Variants in RANGAP1 observed in about 807,000 individuals in gnomAD.
RANGAP1 encodes the protein Ran GTPase activating protein 1.
In RANGAP1, 38 loss-of-function variants were observed where a neutral mutation model predicts 63.5. The observed-to-expected ratio is 0.60, with a 90% CI of 0.46 to 0.78. The LOEUF (loss-of-function observed/expected upper bound fraction) is 0.78. Ranked by LOEUF, RANGAP1 falls within the 30% of genes least tolerant of loss-of-function variation. The pLI is 0.00. For missense variants in RANGAP1, 630 were observed against 740.3 expected, an observed-to-expected ratio of 0.85 and a Z score of 1.73; for synonymous variants, 329 against 310.5, an observed-to-expected ratio of 1.06 and a Z score of -0.63.
At chr22:41,258,179 C>T in intron 6 of RANGAP1, 73 bp from the exon 7 acceptor site, 4 of 1,502,296 alleles carry the variant, frequency 2.7e-6, no homozygotes, top group Non-Finnish European at 3.6e-6. Flanking sequence ...AGAGCAATTC[C>T]ACACAGCAGG....
the RANGAP1 span, among the ~76,000 whole-genome samples, chr22:41,296,177 AG>A: frequency 2.0e-5 from 3 of 152,128 alleles, no homozygotes; most frequent in East Asian, 5.8e-4. Context: ...AGTGATAGGA[AG>A]ACATGCCATA....
intron 6 of RANGAP1, among the ~76,000 whole-genome samples, chr22:41,259,149 T>C (rs947076842): frequency 1.3e-5 from 2 of 152,154 alleles, no homozygotes; most frequent in Non-Finnish European, 2.9e-5. Flanking sequence ...ATATTCCGTC[T>C]GCATCCCATC....
intron 2 of RANGAP1, chr22:41,280,690 C>T (rs899032231): frequency 2.6e-5 from 38 of 1,451,254 alleles, no homozygotes; most frequent in Middle Eastern, 1.8e-4. Context: ...ATCATCCCCT[C>T]CTGAGAAAGA....
intron 2 of RANGAP1, among the ~76,000 whole-genome samples, chr22:41,275,126 G>A (rs1460265057): frequency 6.6e-6 from 1 of 152,126 alleles, no homozygotes; most frequent in Admixed American, 6.6e-5. Flanking sequence ...AGTGATTCAT[G>A]TGTGGGGTGT....
intron 1 of RANGAP1, chr22:41,281,898 A>G (rs2035512159): frequency 6.5e-6 from 1 of 152,770 alleles, no homozygotes; most frequent in South Asian, 2.1e-4. Flanking sequence ...TGTGATGGGA[A>G]GATCGCTTGA....
intron 12 of RANGAP1, among the ~76,000 whole-genome samples, chr22:41,252,100 AGGT>A (rs2033494037): frequency 6.6e-6 from 1 of 152,190 alleles, no homozygotes; most frequent in Admixed American, 6.5e-5. Context: ...TGGGAGGCCG[AGGT>A]GGGTGGATCA....
Position 41,282,883 on chromosome 22 carries a change from C to G in RANGAP1, c.-38-1801G>C, listed in dbSNP as rs1017804064. 5.3e-5 allele frequency among the ~76,000 whole-genome samples: 8 copies of G among 152,240 alleles called. No homozygotes were observed. In the South Asian group the frequency reaches 1.2e-3, roughly 24 times the overall value. On this transcript the variant is annotated intron_variant, in intron 1 of 15. Coordinates refer to ENST00000356244, the MANE Select transcript of RANGAP1 (RefSeq NM_002883.4). ...AAGTAATCAGGAGAGACCAAGGAAG[C>G]AGATATGAGGGGCAGAACTAGGGGG...
At chr22:41,259,837 T>C (rs2034058586) in intron 6 of RANGAP1, among the ~76,000 whole-genome samples, 1 of 152,254 alleles carries the variant, frequency 6.6e-6, no homozygotes, top group Non-Finnish European at 1.5e-5. Flanking sequence ...ACCCCATCTC[T>C]ACTAAAATAC....
At chr22:41,258,799 C>T (rs367621321) in intron 6 of RANGAP1, among the ~76,000 whole-genome samples, 15 of 152,318 alleles carry the variant, frequency 9.8e-5, no homozygotes, top group East Asian at 7.7e-4. Flanking sequence ...AGATTACAGG[C>T]GTGCGCCACC....
chr22:41,256,849 G>C, intron 7 of RANGAP1, 25 bp from the exon 8 acceptor site: 1 of 1,594,500 alleles, frequency 6.3e-7, no homozygotes, highest in Non-Finnish European at 8.6e-7. Flanking sequence ...CAAGGGTCCA[G>C]AGTGAGGGTG....
rs745587401 is a variant in RANGAP1 at position 41,261,419 on chromosome 22, G to C, written c.615+27C>G. ...ATGCCGAGTGCACCTCAAGGCTGCA[G>C]GGGCAGGATGGACAGAAACCACTCA... On this transcript the variant is annotated intron_variant, in intron 6 of 15. Coordinates refer to ENST00000356244, the MANE Select transcript of RANGAP1 (RefSeq NM_002883.4). 13 of 1,613,830 alleles carry C rather than the reference G, an allele frequency of 8.1e-6. No homozygotes were observed. In the African/African-American group the frequency reaches 1.7e-4, roughly 22 times the overall value.
intron 12 of RANGAP1, among the ~76,000 whole-genome samples, chr22:41,252,664 T>C (rs895077951): frequency 1.3e-5 from 2 of 152,118 alleles, no homozygotes; most frequent in Non-Finnish European, 2.9e-5. Flanking sequence ...GTACTTTCTG[T>C]AGGCTGAGTG....
At chr22:41,282,476 T>C (rs1347245290) in intron 1 of RANGAP1, 3 of 152,160 alleles carry the variant, frequency 2.0e-5, no homozygotes, top group African/African-American at 4.8e-5. Context: ...CCCACCACCA[T>C]GTCCAGCTAA....
chr22:41,279,724 C>A (rs2035380972), intron 2 of RANGAP1, among the ~76,000 whole-genome samples: 1 of 150,954 alleles, frequency 6.6e-6, no homozygotes, highest in African/African-American at 2.4e-5. Flanking sequence ...ATCGCTTGAA[C>A]CTGGGAGACA....
Position 41,254,340 on chromosome 22 carries a change from G to C in RANGAP1, c.1228C>G (p.Pro410Ala). 1 of 1,614,086 alleles carries C rather than the reference G, an allele frequency of 6.2e-7. No homozygotes were observed. The highest frequency in any genetic ancestry group is 1.7e-5 in the Admixed American group (1 of 60,004). ...QRGQGEKSAT[P>A]SRKILDPNTG... The stretch of plus-strand genomic sequence containing the variant: ...TTAGGGTCCAGAATCTTCCGTGAGG[G>C]CGTGGCTGACTTCTCTCCCTGCCCT... The change falls in exon 11 of 16, where the codon CCC becomes GCC. Residue 410 changes from proline (P) to alanine (A), a missense_variant. Pro to Ala is a conservative substitution (Grantham distance 27). Transcript: ENST00000356244.
intron 2 of RANGAP1, among the ~76,000 whole-genome samples, chr22:41,276,635 G>A (rs1007690205): frequency 2.7e-5 from 4 of 150,528 alleles, no homozygotes; most frequent in African/African-American, 4.9e-5. Flanking sequence ...GCGAAACTCC[G>A]TTTCAAAAAA....
intron 6 of RANGAP1, among the ~76,000 whole-genome samples, chr22:41,261,113 C>T (rs1423518031): frequency 1.3e-5 from 2 of 152,180 alleles, no homozygotes; most frequent in Non-Finnish European, 1.5e-5. Context: ...GGCCAGGCTA[C>T]TGTCAGCACT....
intron 2 of RANGAP1, chr22:41,277,451 A>C (rs1382043559): frequency 8.4e-7 from 1 of 1,194,080 alleles, no homozygotes; most frequent in Non-Finnish European, 1.1e-6. Flanking sequence ...TTAATTGTAT[A>C]ATCTGAACAA....
At chr22:41,294,315 A>C in the RANGAP1 span, among the ~76,000 whole-genome samples, 1 of 152,154 alleles carries the variant, frequency 6.6e-6, no homozygotes, top group Non-Finnish European at 1.5e-5. Flanking sequence ...CGGCCTCCCG[A>C]GGTGCCGGGA....
Sources: allele counts gnomAD v4.1 joint callset (sites outside exome capture counted in the v4.1 genomes callset), GRCh38; gene constraint gnomAD v4.1.1; transcripts MANE v1.5; gene names NCBI Gene and HGNC (gene_info 2026-07-23, HGNC 2026-07-21).